The following CNTN1 variants were observed in gnomAD, a reference collection of about 807,000 sequenced individuals.
The protein encoded by CNTN1 is contactin 1.
In CNTN1, 38 loss-of-function variants were observed where a neutral mutation model predicts 126.4. The observed-to-expected ratio is 0.30, with a 90% CI of 0.23 to 0.39. The LOEUF (loss-of-function observed/expected upper bound fraction) is 0.39, where lower values mean the gene tolerates loss of function less well. Ranked by LOEUF, CNTN1 falls within the 10% of genes least tolerant of loss-of-function variation. The pLI, the probability that CNTN1 is intolerant of heterozygous loss-of-function variation, is 1.00. For missense variants in CNTN1, 1,009 were observed against 1,248.4 expected (o/e 0.81, Z 2.89); for synonymous variants, 413 against 422.6 (o/e 0.98, Z 0.28).
At chr12:40,749,031 T>G (rs745564852) in intron 1 of CNTN1, among the ~76,000 whole-genome samples, 3 of 152,116 alleles carry the variant, frequency 2.0e-5, no homozygotes, top group Non-Finnish European at 4.4e-5. Context: ...TATTAGTGAA[T>G]TATTTCAGTT....
At chr12:40,948,244 G>A (rs558554017) in intron 14 of CNTN1, among the ~76,000 whole-genome samples, 1 of 99,850 alleles carries the variant, frequency 1.0e-5, no homozygotes, top group East Asian at 3.1e-4. Flanking sequence ...TTGCTAGCTA[G>A]TTTTTCTTTC....
intron 15 of CNTN1, among the ~76,000 whole-genome samples, chr12:40,975,157 G>A (rs551185003): frequency 1.2e-3 from 159 of 131,142 alleles, no homozygotes; most frequent in Non-Finnish European, 1.6e-3. Flanking sequence ...TATAGACTTC[G>A]GTGTCCTTTT....
intron 1 of CNTN1, among the ~76,000 whole-genome samples, chr12:40,866,367 GA>G (rs1383414987): frequency 6.6e-6 from 1 of 152,096 alleles, no homozygotes; most frequent in African/African-American, 2.4e-5. Context: ...AGTGGTGAAA[GA>G]GACATCTTTG....
At chr12:40,951,913 T>C (rs1946704513) in intron 14 of CNTN1, among the ~76,000 whole-genome samples, 1 of 151,804 alleles carries the variant, frequency 6.6e-6, no homozygotes, top group Admixed American at 6.6e-5. Context: ...AAGACAGAGA[T>C]AGTGGACAGA....
chr12:40,697,654 G>C (rs1565612801), intron 1 of CNTN1, among the ~76,000 whole-genome samples: 1 of 152,180 alleles, frequency 6.6e-6, no homozygotes, highest in African/African-American at 2.4e-5. Context: ...ATGTGACGGT[G>C]CTATTGCTGA....
intron 14 of CNTN1, among the ~76,000 whole-genome samples, chr12:40,946,475 T>A (rs551234535): frequency 6.6e-6 from 1 of 152,222 alleles, no homozygotes; most frequent in South Asian, 2.1e-4. Flanking sequence ...GCAGACACAG[T>A]TGTAGGCACT....
At chr12:40,798,048 G>T (rs1940511134) in intron 1 of CNTN1, among the ~76,000 whole-genome samples, 1 of 152,008 alleles carries the variant, frequency 6.6e-6, no homozygotes, top group Admixed American at 6.6e-5. Flanking sequence ...GACTGGAGAT[G>T]TAAGTTTGGA....
In CNTN1 at chr12:40,936,888, T is replaced by C. The variant is rs536775768; in HGVS notation, c.1093T>C (p.Leu365=). The change falls in exon 10 of 24, where the codon TTG becomes CTG. Residue 365 remains leucine (L), a synonymous_variant. Transcript: ENST00000551295. ...AAAGCCCATCCCTACAATCCGATGG[T>C]TGAAAAATGGATATGCGGTATGTAT... ...TGKPIPTIRW[L]KNGYAYHKGE... is the part of the protein sequence containing the mutation. The C allele has an allele frequency of 6.2e-7, 1 of 1,613,122 alleles. No individual in the cohort carries two copies. Among genetic ancestry groups the C allele is most frequent in the African/African-American group, 1.3e-5 (1 of 74,974 alleles).
chr12:40,764,325 C>T (rs1474013109), intron 1 of CNTN1, among the ~76,000 whole-genome samples: 1 of 152,094 alleles, frequency 6.6e-6, no homozygotes, highest in African/African-American at 2.4e-5. Flanking sequence ...TTAGCCTCAA[C>T]TCCAGTGAAA....
intron 1 of CNTN1, among the ~76,000 whole-genome samples, chr12:40,882,221 T>C (rs1032446898): frequency 1.4e-4 from 22 of 151,776 alleles, no homozygotes; most frequent in African/African-American, 5.1e-4. Flanking sequence ...GGTAGGCATA[T>C]GGAATGATAT....
At chr12:40,823,795 G>A (rs1342569916) in intron 1 of CNTN1, among the ~76,000 whole-genome samples, 1 of 151,906 alleles carries the variant, frequency 6.6e-6, no homozygotes, top group African/African-American at 2.4e-5. Flanking sequence ...ATAGATTATT[G>A]GAAATTTTAT....
intron 2 of CNTN1, among the ~76,000 whole-genome samples, chr12:40,909,112 C>A (rs748635042): frequency 2.0e-5 from 3 of 151,916 alleles, no homozygotes; most frequent in Non-Finnish European, 4.4e-5. Flanking sequence ...AACTCTTTTG[C>A]CAATTTGATC....
At chr12:40,759,620 C>A (rs748566490) in intron 1 of CNTN1, among the ~76,000 whole-genome samples, 2 of 151,832 alleles carry the variant, frequency 1.3e-5, no homozygotes, top group Non-Finnish European at 1.5e-5. Flanking sequence ...CACCCACCAT[C>A]ATACCTGGCT....
At chr12:40,705,012 T>A (rs764186134) in intron 1 of CNTN1, among the ~76,000 whole-genome samples, 2 of 152,168 alleles carry the variant, frequency 1.3e-5, no homozygotes, top group East Asian at 3.8e-4. Context: ...TCTGATAACA[T>A]TATATATTGA....
At chr12:40,902,574 CA>C (rs922660071) in intron 1 of CNTN1, among the ~76,000 whole-genome samples, 5 of 151,592 alleles carry the variant, frequency 3.3e-5, no homozygotes, top group East Asian at 1.9e-4. Flanking sequence ...CCTGATGTGC[CA>C]AAAAATTTTT....
At chr12:40,878,159 G>A (rs567217199) in intron 1 of CNTN1, among the ~76,000 whole-genome samples, 5 of 151,478 alleles carry the variant, frequency 3.3e-5, no homozygotes, top group South Asian at 4.2e-4. Context: ...CACCAAGCCC[G>A]GCTAATGTTG....
chr12:40,952,396 A>G (rs1946722206), intron 14 of CNTN1, among the ~76,000 whole-genome samples: 1 of 152,168 alleles, frequency 6.6e-6, no homozygotes, highest in Non-Finnish European at 1.5e-5. Context: ...AAATGTATGT[A>G]AAGTAGCTAG....
At chr12:41,019,909 A>G (rs141702410) in intron 19 of CNTN1, among the ~76,000 whole-genome samples, 1 of 152,172 alleles carries the variant, frequency 6.6e-6, no homozygotes, top group Non-Finnish European at 1.5e-5. Context: ...CCTATTTCTG[A>G]TAATATAGAG....
chr12:40,858,274 G>T, intron 1 of CNTN1, among the ~76,000 whole-genome samples: 1 of 152,096 alleles, frequency 6.6e-6, no homozygotes, highest in Admixed American at 6.6e-5. Context: ...AAGGGCCCAA[G>T]CCCTCTTTTA....
Sources: allele counts gnomAD v4.1 joint callset (sites outside exome capture counted in the v4.1 genomes callset), GRCh38; gene constraint gnomAD v4.1.1; transcripts MANE v1.5; gene names NCBI Gene and HGNC (gene_info 2026-07-23, HGNC 2026-07-21).